The following MTCP1 variants were observed in gnomAD, a reference collection of about 807,000 sequenced individuals.
MTCP1 encodes the protein mature T cell proliferation 1.
In MTCP1, 2 loss-of-function variants were observed where a neutral mutation model predicts 10.6. The ratio of observed to expected loss-of-function variants is 0.19; its 90% CI spans 0.08 to 0.59. MTCP1 has a LOEUF of 0.59. Among genes scored for constraint, MTCP1 ranks in the 20% least tolerant of loss-of-function variants. The pLI, the probability that MTCP1 is intolerant of heterozygous loss-of-function variation, is 0.90. For synonymous variants in MTCP1, 29 were observed against 34.4 expected (o/e 0.84, Z 0.55); for missense variants, 33 against 91.5 (o/e 0.36, Z 2.61).
In MTCP1 at chrX:155,065,305, C is replaced by T. The variant is rs1557291929; in HGVS notation, c.*99G>A. On this transcript the variant is annotated 3_prime_UTR_variant, in exon 5 of 5. Coordinates refer to ENST00000369476, the MANE Select transcript of MTCP1 (RefSeq NM_001018025.4). The stretch of plus-strand genomic sequence containing the variant: ...GCAGTTTTTCAACCCACTCCCTCCC[C>T]CCAGGCCCAAGGGTGGGTGCACTGC... 2.2e-6 allele frequency: 1 copy of T among 460,921 alleles called. No individual in the cohort carries two copies. The highest frequency in any genetic ancestry group is 3.8e-6 in the Non-Finnish European group (1 of 265,375). The allele number at this position is 460,921 out of a possible 1,213,427, so 38.0% of individuals were successfully genotyped here. A position where few individuals can be genotyped will look rare whatever the true frequency, so the allele number is the denominator to read the frequency against.
In MTCP1 at chrX:155,065,303, C is replaced by T; in HGVS notation, c.*101G>A. On this transcript the variant is annotated 3_prime_UTR_variant, in exon 5 of 5. Coordinates refer to ENST00000369476, the MANE Select transcript of MTCP1 (RefSeq NM_001018025.4). The stretch of plus-strand genomic sequence containing the variant: ...GAGCAGTTTTTCAACCCACTCCCTC[C>T]CCCCAGGCCCAAGGGTGGGTGCACT... 2.2e-6 allele frequency: 1 copy of T among 453,076 alleles called. No homozygotes were observed. Among genetic ancestry groups the T allele is most frequent in the Non-Finnish European group, 3.9e-6 (1 of 259,351 alleles). The allele number at this position is 453,076 out of a possible 1,213,427, so 37.3% of individuals were successfully genotyped here.
chrX:155,064,644 C>T lies in MTCP1; in HGVS notation c.*760G>A, dbSNP rs973750245. The T allele has an allele frequency of 8.9e-6, 1 of 111,929 alleles. No individual in the cohort carries two copies. The highest frequency in any genetic ancestry group is 1.9e-5 in the Non-Finnish European group (1 of 53,193). The allele number at this position is 111,929 out of a possible 1,213,427, so 9.2% of individuals were successfully genotyped here. ...GAATCAGCAATATTTGGTGTTATTA[C>T]TTCCTGAGAAAGGTGCCAGTTAAGC... On this transcript the variant is annotated 3_prime_UTR_variant, in exon 5 of 5. Transcript: ENST00000369476.
In MTCP1 at chrX:155,071,029, TCC is replaced by T. The variant is rs1474803883; in HGVS notation, c.-385_-384del. 2 of 112,580 alleles carry T rather than the reference TCC, an allele frequency of 1.8e-5. No individual in the cohort carries two copies. The highest frequency in any genetic ancestry group is 6.4e-5 in the African/African-American group (2 of 31,113). 9.3% of individuals were successfully genotyped at this position (112,580 alleles called of 1,213,427 possible). ...GCGGAGATGTCGTCTTAAAGGGCTG[TCC>T]CCCAAGCGTGTAGGCCGCGCACGGG... On this transcript the variant is annotated 5_prime_UTR_variant, in exon 1 of 5. Transcript: ENST00000369476.
intron 1 of MTCP1, among the ~76,000 whole-genome samples, chrX:155,069,614 G>A (rs2073962281): frequency 8.9e-6 from 1 of 111,906 alleles, no homozygotes; most frequent in African/African-American, 3.3e-5. Context: ...TCACACAGTG[G>A]GGAAGTTGTT....
Position 155,065,338 on chromosome X carries a change from G to T in MTCP1, c.*66C>A. On this transcript the variant is annotated 3_prime_UTR_variant, in exon 5 of 5. Transcript: ENST00000369476. ...CAAGGGTGGGTGCACTGCAGTAGTG[G>T]ATGAAGTGATTGCCAAATACTGAAC... 1 of 542,391 alleles carries T rather than the reference G, an allele frequency of 1.8e-6. No homozygotes were observed. The highest frequency in any genetic ancestry group is 3.1e-6 in the Non-Finnish European group (1 of 325,783). The allele number at this position is 542,391 out of a possible 1,213,427, so 44.7% of individuals were successfully genotyped here. A position where few individuals can be genotyped will look rare whatever the true frequency, so the allele number is the denominator to read the frequency against.
intron 1 of MTCP1, among the ~76,000 whole-genome samples, chrX:155,068,726 T>C (rs2073958144): frequency 8.9e-6 from 1 of 112,693 alleles, no homozygotes; most frequent in Non-Finnish European, 1.9e-5. Context: ...TGGCAAGTTA[T>C]GCAGTAAAGA....
At chrX:155,067,076 C>T (rs782336171) in intron 1 of MTCP1, among the ~76,000 whole-genome samples, 4 of 111,728 alleles carry the variant, frequency 3.6e-5, no homozygotes, top group East Asian at 2.8e-4. Context: ...ATAGATACGG[C>T]ACTGGGGAGC....
Position 155,064,040 on chromosome X carries a change from CAAGAA to C in MTCP1, c.*1359_*1363del. On this transcript the variant is annotated 3_prime_UTR_variant, in exon 5 of 5. Coordinates refer to ENST00000369476, the MANE Select transcript of MTCP1 (RefSeq NM_001018025.4). ...CTGCGGCATATCCAGAAAACTAAAA[CAAGAA>C]AAATGATTTTTATTTTTCTTTTTTC... 1 of 1,174,201 alleles carries C rather than the reference CAAGAA, an allele frequency of 8.5e-7. No homozygotes were observed. Among genetic ancestry groups the C allele is most frequent in the Non-Finnish European group, 1.1e-6 (1 of 879,926 alleles).
Position 155,064,142 on chromosome X carries a change from G to A in MTCP1, c.*1262C>T. 2.3e-6 allele frequency: 1 copy of A among 442,287 alleles called. No individual in the cohort carries two copies. The highest frequency in any genetic ancestry group is 3.7e-6 in the Non-Finnish European group (1 of 268,008). 36.4% of individuals were successfully genotyped at this position (442,287 alleles called of 1,213,427 possible). Reference sequence around the variant, plus strand: ...AGCAGTATATGCCCTTACAATTGCTGGAAAATAATTACACTAAAAATACTC... The same window carrying A: ...AGCAGTATATGCCCTTACAATTGCTAGAAAATAATTACACTAAAAATACTC... On this transcript the variant is annotated 3_prime_UTR_variant, in exon 5 of 5. Coordinates refer to ENST00000369476, the MANE Select transcript of MTCP1 (RefSeq NM_001018025.4).
intron 1 of MTCP1, among the ~76,000 whole-genome samples, chrX:155,066,590 CTATT>C (rs1237856607): frequency 8.9e-6 from 1 of 112,011 alleles, no homozygotes; most frequent in South Asian, 3.7e-4. Flanking sequence ...GGCAAATGAT[CTATT>C]TATCAGTTTA....
Position 155,070,887 on chromosome X carries a change from G to A in MTCP1, c.-241C>T, listed in dbSNP as rs1020285351. 1.8e-5 allele frequency: 2 copies of A among 112,774 alleles called. No homozygotes were observed. Among genetic ancestry groups the A allele is most frequent in the African/African-American group, 6.4e-5 (2 of 31,080 alleles). 9.3% of individuals were successfully genotyped at this position (112,774 alleles called of 1,213,427 possible). A position where few individuals can be genotyped will look rare whatever the true frequency, so the allele number is the denominator to read the frequency against. On this transcript the variant is annotated 5_prime_UTR_variant, in exon 1 of 5. Transcript: ENST00000369476. ...CCGGCAACCGGAAGTGGTCCAGGGA[G>A]AGTTGTACGAGATTCGGGGGCTGTG...
rs1557291930 is a variant in MTCP1 at position 155,065,335 on chromosome X, G to A, written c.*69C>T. ...GCCCAAGGGTGGGTGCACTGCAGTA[G>A]TGGATGAAGTGATTGCCAAATACTG... On this transcript the variant is annotated 3_prime_UTR_variant, in exon 5 of 5. Transcript: ENST00000369476. 1 of 528,332 alleles carries A rather than the reference G, an allele frequency of 1.9e-6. No homozygotes were observed. Among genetic ancestry groups the A allele is most frequent in the African/African-American group, 2.4e-5 (1 of 41,921 alleles). 43.5% of individuals were successfully genotyped at this position (528,332 alleles called of 1,213,427 possible). A position where few individuals can be genotyped will look rare whatever the true frequency, so the allele number is the denominator to read the frequency against.
chrX:155,070,071 C>T (rs1371372694), intron 1 of MTCP1, among the ~76,000 whole-genome samples: 3 of 112,122 alleles, frequency 2.7e-5, no homozygotes, highest in Non-Finnish European at 5.6e-5. Flanking sequence ...AAAGATGTGC[C>T]ATGTGATCCT....
chrX:155,065,259 T>C lies in MTCP1; in HGVS notation c.*145A>G, dbSNP rs782701166. On this transcript the variant is annotated 3_prime_UTR_variant, in exon 5 of 5. Transcript: ENST00000369476. The stretch of plus-strand genomic sequence containing the variant: ...CACTTGCAGTATTCTTCATGACCCT[T>C]GCTAAACTTCTGTTTCTTGAGCAGT... 52 of 432,391 alleles carry C rather than the reference T, an allele frequency of 1.2e-4. No individual in the cohort carries two copies. In the South Asian group the frequency reaches 1.9e-3, roughly 16 times the overall value. The allele number at this position is 432,391 out of a possible 1,213,427, so 35.6% of individuals were successfully genotyped here. A position where few individuals can be genotyped will look rare whatever the true frequency, so the allele number is the denominator to read the frequency against.
intron 1 of MTCP1, among the ~76,000 whole-genome samples, chrX:155,068,926 C>T (rs1054780549): frequency 8.9e-6 from 1 of 112,335 alleles, no homozygotes; most frequent in Non-Finnish European, 1.9e-5. Context: ...GGAATACTGC[C>T]AGCTACAAAT....
intron 1 of MTCP1, among the ~76,000 whole-genome samples, chrX:155,067,591 C>A (rs1207916539): frequency 8.9e-6 from 1 of 112,257 alleles, no homozygotes; most frequent in African/African-American, 3.2e-5. Context: ...CAGGTGCCTG[C>A]CTCCTCTATG....
intron 1 of MTCP1, 111 bp from the exon 2 acceptor site, chrX:155,066,168 T>A: frequency 2.3e-6 from 1 of 437,442 alleles, no homozygotes; most frequent in Admixed American, 4.1e-5. Flanking sequence ...AAACCTCATA[T>A]GTCTATTTGC....
chrX:155,066,065 A>G lies in MTCP1; in HGVS notation c.-47-8T>C, dbSNP rs1338929887. ...GCTTTTCTCCACCTAAGCCTGCAGC[A>G]CCCGCGCACAGGACACAGGTGTGAC... On this transcript the variant is annotated splice_polypyrimidine_tract_variant and splice_region_variant and intron_variant, in intron 1 of 4. Coordinates refer to ENST00000369476, the MANE Select transcript of MTCP1 (RefSeq NM_001018025.4). The G allele has an allele frequency of 1.0e-6, 1 of 985,037 alleles. No homozygotes were observed. The highest frequency in any genetic ancestry group is 1.4e-6 in the Non-Finnish European group (1 of 695,936). The allele number at this position is 985,037 out of a possible 1,213,427, so 81.2% of individuals were successfully genotyped here.
intron 1 of MTCP1, among the ~76,000 whole-genome samples, chrX:155,069,330 C>G (rs1236153928): frequency 1.8e-5 from 2 of 112,428 alleles, no homozygotes; most frequent in African/African-American, 6.5e-5. Flanking sequence ...CAGGCCCAGG[C>G]CTGTGTATGA....
Sources: gnomAD v4.1 joint callset for allele counts (sites outside exome capture counted in the v4.1 genomes callset) on GRCh38, gnomAD v4.1.1 for gene constraint, MANE v1.5 for transcripts, NCBI Gene and HGNC (gene_info 2026-07-23, HGNC 2026-07-21) for gene names.